EFNA2: variants seen among roughly 807,000 people sequenced by gnomAD.
EFNA2 encodes ephrin A2, also known as ephrin-A2.
In EFNA2, 18 loss-of-function variants were observed where a neutral mutation model predicts 19.7. That is an observed-to-expected ratio of 0.91 (90% CI 0.63 to 1.35). The LOEUF (loss-of-function observed/expected upper bound fraction) is 1.35, where lower values mean the gene tolerates loss of function less well. Among genes scored for constraint, EFNA2 ranks in the 40% most tolerant of loss-of-function variants. EFNA2 has a pLI of 0.00. For missense variants in EFNA2, 303 were observed against 296.0 expected, an observed-to-expected ratio of 1.02 and a Z score of -0.17; for synonymous variants, 187 against 137.8, an observed-to-expected ratio of 1.36 and a Z score of -2.50.
intron 2 of EFNA2, among the ~76,000 whole-genome samples, chr19:1,298,275 C>A (rs1208515633): frequency 6.6e-6 from 1 of 152,064 alleles, no homozygotes; most frequent in Non-Finnish European, 1.5e-5. Flanking sequence ...TCACCCTGTG[C>A]TGCCCTGGGG....
At position 1,291,575 on chromosome 19, in the gene EFNA2, C is replaced by A. The variant is rs560441045; in HGVS notation, c.141-3970C>A. 2.0e-5 allele frequency among the ~76,000 whole-genome samples: 3 copies of A among 152,210 alleles called. No individual in the cohort carries two copies. In the South Asian group the frequency reaches 6.2e-4, roughly 32 times the overall value. ...TGCCTGCTCATCCGGCCAGCCTGGG[C>A]CTCCCCGGGAGCTTCTCCACCCTGG... On this transcript the variant is annotated intron_variant, in intron 1 of 3. Transcript: ENST00000215368.
In EFNA2 at chr19:1,295,754, C is replaced by G; in HGVS notation, c.350C>G (p.Pro117Arg). 6.2e-7 allele frequency: 1 copy of G among 1,605,332 alleles called. No individual in the cohort carries two copies. The highest frequency in any genetic ancestry group is 8.5e-7 in the Non-Finnish European group (1 of 1,177,036). The change falls in exon 2 of 4, where the codon CCC becomes CGC. Residue 117 changes from proline (P) to arginine (R), a missense_variant. Pro to Arg is a moderately radical substitution (Grantham distance 103). Coordinates refer to ENST00000215368, the MANE Select transcript of EFNA2 (RefSeq NM_001405.4). The surrounding 1 kb of genome is among the most constrained non-coding windows in gnomAD (Gnocchi z 5.8). ...TTCAAGCGCTGGGAGTGCAACCGGC[C>G]CGCGGCGCCCGGGGGGCCGCTCAAG... ...RGFKRWECNRPAAPGGPLKFS... is the reference protein window; with the variant it reads ...RGFKRWECNRRAAPGGPLKFS...
intron 1 of EFNA2, among the ~76,000 whole-genome samples, chr19:1,288,909 C>T (rs886933408): frequency 1.3e-5 from 2 of 152,214 alleles, no homozygotes; most frequent in South Asian, 2.1e-4. Context: ...TGTTCCCAGC[C>T]GACCCGCATC....
Position 1,286,059 on chromosome 19 carries a change from TCCCGCCCGCCCTCCG to T in EFNA2, c.-100_-86del, listed in dbSNP as rs1048123855. 4.5e-6 allele frequency: 1 copy of T among 224,466 alleles called. No individual in the cohort carries two copies. Among genetic ancestry groups the T allele is most frequent in the Non-Finnish European group, 7.2e-6 (1 of 139,482 alleles). The allele number at this position is 224,466 out of a possible 1,614,324, so 13.9% of individuals were successfully genotyped here. On this transcript the variant is annotated 5_prime_UTR_variant, in exon 1 of 4. Coordinates refer to ENST00000215368, the MANE Select transcript of EFNA2 (RefSeq NM_001405.4). The surrounding 1 kb of genome is among the most constrained non-coding windows in gnomAD (Gnocchi z 5.6). ...ATCTCCAAGCGCCGCCGCGCCCTCCTCCCGCCCGCCCTCCGCCCGCCCGCTCGGCGGCGGCGGCGG... is the reference window on the plus strand; with the variant it reads ...ATCTCCAAGCGCCGCCGCGCCCTCCTCCCGCCCGCTCGGCGGCGGCGGCGG...
In EFNA2 at chr19:1,298,992, C is replaced by G. The variant is rs189918441; in HGVS notation, c.520+376C>G. On this transcript the variant is annotated intron_variant, in intron 3 of 3. Transcript: ENST00000215368. ...GGGTGGCTCACGCCTGTAATCCCAACTTTGGGAGCCTGAGGCAGGTGGATC... is the reference window on the plus strand; with the variant it reads ...GGGTGGCTCACGCCTGTAATCCCAAGTTTGGGAGCCTGAGGCAGGTGGATC... Among the ~76,000 whole-genome samples the G allele has an allele frequency of 2.6e-5, 4 of 152,280 alleles. No homozygotes were observed. In the East Asian group the frequency reaches 7.7e-4, roughly 29 times the overall value.
intron 1 of EFNA2, among the ~76,000 whole-genome samples, chr19:1,288,982 C>T (rs1375905226): frequency 2.0e-5 from 3 of 152,220 alleles, no homozygotes; most frequent in Non-Finnish European, 4.4e-5. Context: ...TGGACCTGGC[C>T]GGCTGCCCTC....
chr19:1,298,254 A>G (rs1481241721), intron 2 of EFNA2, among the ~76,000 whole-genome samples: 1 of 151,596 alleles, frequency 6.6e-6, no homozygotes. Flanking sequence ...CAAATACATC[A>G]TTTTCCGAGC....
intron 1 of EFNA2, among the ~76,000 whole-genome samples, chr19:1,292,136 CG>C (rs955836140): frequency 2.0e-5 from 3 of 152,210 alleles, no homozygotes; most frequent in African/African-American, 7.2e-5. Flanking sequence ...TCCCCAGGTG[CG>C]GTTTTGGGGT....
chr19:1,292,895 G>A (rs964086398), intron 1 of EFNA2, among the ~76,000 whole-genome samples: 3 of 152,192 alleles, frequency 2.0e-5, no homozygotes, highest in Admixed American at 1.3e-4. Flanking sequence ...ACATTTTACC[G>A]AAGGCAGAAC....
chr19:1,301,100 G>T lies in EFNA2; in HGVS notation c.*1155G>T, dbSNP rs2081540846. Among the ~76,000 whole-genome samples the T allele has an allele frequency of 9.5e-6, 1 of 105,048 alleles. No homozygotes were observed. The highest frequency in any genetic ancestry group is 4.2e-5 in the African/African-American group (1 of 23,892). The allele number at this position is 105,048 out of a possible 152,430, so 68.9% of individuals were successfully genotyped here. On this transcript the variant is annotated 3_prime_UTR_variant, in exon 4 of 4. Coordinates refer to ENST00000215368, the MANE Select transcript of EFNA2 (RefSeq NM_001405.4). ...AGAAAAAGAAAAAAAGGACAAAAGG[G>T]AGGGAACCACTACCAAAAAAAAAAA...
rs2081463943 is a variant in EFNA2, at chr19:1,286,274, C to G, written c.106C>G (p.Arg36Gly). 1.8e-6 allele frequency: 2 copies of G among 1,093,722 alleles called. No individual in the cohort carries two copies. The highest frequency in any genetic ancestry group is 4.2e-4 in the Middle Eastern group (1 of 2,370). 67.8% of individuals were successfully genotyped at this position (1,093,722 alleles called of 1,614,324 possible). Residue 36 changes from arginine (R) to glycine (G), a missense_variant, in exon 1 of 4, where the codon CGC (arginine) becomes GGC (glycine). Coordinates refer to ENST00000215368, the MANE Select transcript of EFNA2 (RefSeq NM_001405.4). The surrounding 1 kb of genome is among the most constrained non-coding windows in gnomAD (Gnocchi z 5.6). ...GGACGCCGCCCGCGCCAACTCGGAC[C>G]GCTACGCCGTCTACTGGAACCGCAG... ...AEDAARANSDRYAVYWNRSNP... is the reference protein window; with the variant it reads ...AEDAARANSDGYAVYWNRSNP...
chr19:1,293,602 C>T (rs2081501251), intron 1 of EFNA2, among the ~76,000 whole-genome samples: 1 of 152,134 alleles, frequency 6.6e-6, no homozygotes, highest in Non-Finnish European at 1.5e-5. Flanking sequence ...CCCTGCCCTC[C>T]AGGCCTGGTG....
intron 1 of EFNA2, among the ~76,000 whole-genome samples, chr19:1,292,339 C>T (rs2081495624): frequency 6.6e-6 from 1 of 152,252 alleles, no homozygotes; most frequent in South Asian, 2.1e-4. Context: ...ACCTGCCCTC[C>T]AACACACACA....
Position 1,287,819 on chromosome 19 carries a change from T to A in EFNA2, c.140+1511T>A, listed in dbSNP as rs1031140259. Among the ~76,000 whole-genome samples the A allele has an allele frequency of 6.6e-6, 1 of 152,326 alleles. No homozygotes were observed. Among genetic ancestry groups the A allele is most frequent in the Middle Eastern group, 3.4e-3 (1 of 294 alleles). On this transcript the variant is annotated intron_variant, in intron 1 of 3. Transcript: ENST00000215368. This position sits in a 1 kb window ranked among gnomAD's most constrained non-coding sequence, Gnocchi z 6.2. ...CAAGTTTTTGGTTTCAGCTGCGGAA[T>A]CTCCCGTCCCCAGCGTGGCCTGTCC...
At position 1,293,685 on chromosome 19, in the gene EFNA2, C is replaced by T. The variant is rs561053164; in HGVS notation, c.141-1860C>T. 3.9e-5 allele frequency among the ~76,000 whole-genome samples: 6 copies of T among 152,334 alleles called. No homozygotes were observed. In the South Asian group the frequency reaches 1.2e-3, roughly 32 times the overall value. ...GGGCTCACAGGGGTGATGAAGGAGG[C>T]CTGGGAAGCTCTCTGTCCCTGGACG... On this transcript the variant is annotated intron_variant, in intron 1 of 3. Coordinates refer to ENST00000215368, the MANE Select transcript of EFNA2 (RefSeq NM_001405.4).
Position 1,296,028 on chromosome 19 carries a change from G to T in EFNA2, c.454+170G>T, listed in dbSNP as rs1283945518. 7.3e-6 allele frequency among the ~76,000 whole-genome samples: 1 copy of T among 136,196 alleles called. No individual in the cohort carries two copies. The highest frequency in any genetic ancestry group is 2.3e-4 in the East Asian group (1 of 4,442). 89.3% of individuals were successfully genotyped at this position (136,196 alleles called of 152,430 possible). ...GGAGTGGGCGGGGCCGCGGAATGGGGCCAGGGGGGAGTGGGCGGGGCCGCG... is the reference window on the plus strand; with the variant it reads ...GGAGTGGGCGGGGCCGCGGAATGGGTCCAGGGGGGAGTGGGCGGGGCCGCG... On this transcript the variant is annotated intron_variant, in intron 2 of 3. Transcript: ENST00000215368. This position sits in a 1 kb window ranked among gnomAD's most constrained non-coding sequence, Gnocchi z 4.4.
intron 1 of EFNA2, among the ~76,000 whole-genome samples, chr19:1,289,092 C>T (rs533203407): frequency 6.6e-5 from 10 of 152,290 alleles, no homozygotes; most frequent in South Asian, 6.2e-4. Flanking sequence ...TGCCTGGAGT[C>T]GCATCCGGCT....
chr19:1,289,569 C>T (rs931220620), intron 1 of EFNA2, among the ~76,000 whole-genome samples: 1 of 152,198 alleles, frequency 6.6e-6, no homozygotes, highest in Admixed American at 6.5e-5. Flanking sequence ...GCCTGTGGTC[C>T]CCGGGAGTCC....
In EFNA2 at chr19:1,286,047, G is replaced by GCCGCGCCCTCCTCCCGCCCGCCCT. The variant is rs1482628051; in HGVS notation, c.-117_-94dup. ...GGGCGGCCCGGGATCTCCAAGCGCC[G>GCCGCGCCCTCCTCCCGCCCGCCCT]CCGCGCCCTCCTCCCGCCCGCCCTC... On this transcript the variant is annotated 5_prime_UTR_variant, in exon 1 of 4. Transcript: ENST00000215368. This position sits in a 1 kb window ranked among gnomAD's most constrained non-coding sequence, Gnocchi z 5.6. 8 of 191,198 alleles carry GCCGCGCCCTCCTCCCGCCCGCCCT rather than the reference G, an allele frequency of 4.2e-5. No individual in the cohort carries two copies. The highest frequency in any genetic ancestry group is 6.5e-5 in the Non-Finnish European group (7 of 107,600). The allele number at this position is 191,198 out of a possible 1,614,324, so 11.8% of individuals were successfully genotyped here.
Sources: gnomAD v4.1 joint callset for allele counts (sites outside exome capture counted in the v4.1 genomes callset) on GRCh38, gnomAD v4.1.1 for gene constraint, Gnocchi (gnomAD v3.1) non-coding constraint, MANE v1.5 for transcripts, NCBI Gene and HGNC (gene_info 2026-07-23, HGNC 2026-07-21) for gene names.